The following PLAA variants were observed in gnomAD, a reference collection of about 807,000 sequenced individuals.
PLAA encodes the protein phospholipase A-2-activating protein.
In PLAA, 48 loss-of-function variants were observed where a neutral mutation model predicts 84.1. The observed-to-expected ratio is 0.57, with a 90% CI of 0.45 to 0.73. The LOEUF is 0.73. Ranked by LOEUF, PLAA falls within the 30% of genes least tolerant of loss-of-function variation. The pLI, the probability that PLAA is intolerant of heterozygous loss-of-function variation, is 0.00. For missense variants in PLAA, 903 were observed against 954.7 expected (o/e 0.95, Z 0.71); for synonymous variants, 392 against 336.6 (o/e 1.16, Z -1.80).
chr9:26,903,623 A>G lies in PLAA; in HGVS notation c.*1888T>C, dbSNP rs1824145270. Among the ~76,000 whole-genome samples, 1 of 152,208 alleles carries G rather than the reference A, an allele frequency of 6.6e-6. No homozygotes were observed. The stretch of plus-strand genomic sequence containing the variant: ...ACTTTTGTATTCAGAAAAAACATTA[A>G]GAGAATCATAGGAAAGTTTAACTAA... On this transcript the variant is annotated 3_prime_UTR_variant, in exon 14 of 14. Transcript: ENST00000397292.
intron 8 of PLAA, 57 bp downstream of exon 8, chr9:26,920,170 C>A: frequency 6.9e-7 from 1 of 1,452,050 alleles, no homozygotes; most frequent in South Asian, 1.2e-5. Context: ...GCAAAGGAAA[C>A]CTTTAATTTG....
intron 13 of PLAA, among the ~76,000 whole-genome samples, chr9:26,907,302 G>A (rs530313421): frequency 6.6e-6 from 1 of 152,036 alleles, no homozygotes; most frequent in Non-Finnish European, 1.5e-5. Context: ...GGCTGAGGCG[G>A]GAGGATCACG....
chr9:26,937,236 G>T (rs1298450962), intron 1 of PLAA, among the ~76,000 whole-genome samples: 2 of 152,088 alleles, frequency 1.3e-5, no homozygotes, highest in African/African-American at 4.8e-5. Flanking sequence ...TATTCAAAAG[G>T]AACTACATAT....
rs1178263107 is a variant in PLAA, at chr9:26,905,129, G to T, written c.*382C>A. On this transcript the variant is annotated 3_prime_UTR_variant, in exon 14 of 14. Transcript: ENST00000397292. Reference sequence around the variant, plus strand: ...CTGTTCGAAGGATCTAGCAATGAAGGTGGAGAAGTTAAATAAAAGATAATT... The same window carrying T: ...CTGTTCGAAGGATCTAGCAATGAAGTTGGAGAAGTTAAATAAAAGATAATT... The T allele has an allele frequency of 5.9e-6, 1 of 169,266 alleles. No individual in the cohort carries two copies. Among genetic ancestry groups the T allele is most frequent in the Non-Finnish European group, 1.3e-5 (1 of 78,460 alleles). The allele number at this position is 169,266 out of a possible 1,614,324, so 10.5% of individuals were successfully genotyped here.
intron 1 of PLAA, among the ~76,000 whole-genome samples, chr9:26,943,193 A>C (rs1284352831): frequency 2.0e-5 from 3 of 152,134 alleles, no homozygotes; most frequent in Non-Finnish European, 4.4e-5. Context: ...TAGAGACCTG[A>C]AGTAGTCTGA....
intron 2 of PLAA, among the ~76,000 whole-genome samples, chr9:26,932,291 T>C (rs1297633235): frequency 1.3e-5 from 2 of 152,218 alleles, no homozygotes; most frequent in Non-Finnish European, 2.9e-5. Flanking sequence ...TGTCCTTATC[T>C]TTTAGAAGGG....
intron 13 of PLAA, among the ~76,000 whole-genome samples, chr9:26,906,718 G>A (rs970312482): frequency 1.3e-5 from 2 of 152,122 alleles, no homozygotes; most frequent in African/African-American, 2.4e-5. Context: ...ATGAGCCACC[G>A]TGCCCAGCCG....
At chr9:26,933,695 A>C (rs1825261053) in intron 2 of PLAA, among the ~76,000 whole-genome samples, 1 of 147,416 alleles carries the variant, frequency 6.8e-6, no homozygotes, top group South Asian at 2.1e-4. Context: ...AGGCTGAGGC[A>C]GGAGAATGGC....
intron 2 of PLAA, among the ~76,000 whole-genome samples, chr9:26,931,355 T>C (rs965353850): frequency 6.6e-6 from 1 of 152,158 alleles, no homozygotes; most frequent in Non-Finnish European, 1.5e-5. Flanking sequence ...TACAATCATT[T>C]TGTAAACCTT....
chr9:26,914,127 T>C (rs1215917898), intron 10 of PLAA, among the ~76,000 whole-genome samples, 180 bp from the exon 11 acceptor site: 2 of 152,228 alleles, frequency 1.3e-5, no homozygotes, highest in Non-Finnish European at 2.9e-5. Flanking sequence ...ATATCATAAG[T>C]GTTAGCTACA....
Position 26,905,328 on chromosome 9 carries a change from G to A in PLAA, c.*183C>T, listed in dbSNP as rs1824194692. On this transcript the variant is annotated 3_prime_UTR_variant, in exon 14 of 14. Coordinates refer to ENST00000397292, the MANE Select transcript of PLAA (RefSeq NM_001031689.3). Reference sequence around the variant, plus strand: ...TTGAAAATCTACCCAAATTACACAGGAAAATCTCACAGTTCAGCAGTGCAA... The same window carrying A: ...TTGAAAATCTACCCAAATTACACAGAAAAATCTCACAGTTCAGCAGTGCAA... 3.6e-6 allele frequency: 2 copies of A among 550,568 alleles called. No individual in the cohort carries two copies. The highest frequency in any genetic ancestry group is 5.2e-5 in the South Asian group (2 of 38,552). The allele number at this position is 550,568 out of a possible 1,614,324, so 34.1% of individuals were successfully genotyped here.
At chr9:26,922,996 G>C (rs1157347117) in intron 7 of PLAA, among the ~76,000 whole-genome samples, 182 bp downstream of exon 7, 1 of 152,140 alleles carries the variant, frequency 6.6e-6, no homozygotes, top group African/African-American at 2.4e-5. Flanking sequence ...TTAATTCAAA[G>C]TCTTCTGTGA....
At chr9:26,913,169 T>C (rs1003318696) in intron 11 of PLAA, among the ~76,000 whole-genome samples, 3 of 152,082 alleles carry the variant, frequency 2.0e-5, no homozygotes, top group African/African-American at 7.2e-5. Flanking sequence ...CTCATATAAA[T>C]TACAAAGAAC....
chr9:26,935,825 A>C (rs929778213), intron 1 of PLAA, among the ~76,000 whole-genome samples: 5 of 151,432 alleles, frequency 3.3e-5, no homozygotes, highest in Non-Finnish European at 7.4e-5. Flanking sequence ...CACCTAATAC[A>C]GAAATATATA....
chr9:26,903,780 C>G lies in PLAA; in HGVS notation c.*1731G>C, dbSNP rs1824150709. Among the ~76,000 whole-genome samples the G allele has an allele frequency of 6.6e-6, 1 of 152,088 alleles. No homozygotes were observed. Among genetic ancestry groups the G allele is most frequent in the Non-Finnish European group, 1.5e-5 (1 of 67,992 alleles). On this transcript the variant is annotated 3_prime_UTR_variant, in exon 14 of 14. Transcript: ENST00000397292. ...AGTAAAGTTGACATAAAAAAACTTG[C>G]ACAGTAATAGGAAGCAGTGTTTACA... is the stretch of plus-strand genomic sequence containing the variant.
At chr9:26,916,684 G>C (rs577210710) in intron 10 of PLAA, 5 of 996,214 alleles carry the variant, frequency 5.0e-6, no homozygotes, top group Non-Finnish European at 6.0e-6. Context: ...GCTGTGTCTT[G>C]GTTGGTGGGT....
chr9:26,923,140 T>C, intron 7 of PLAA, 38 bp downstream of exon 7: 2 of 1,430,730 alleles, frequency 1.4e-6, no homozygotes, highest in Non-Finnish European at 1.9e-6. Context: ...AAGCCAAATA[T>C]GGTGAATTTT....
At chr9:26,922,439 A>G (rs1165247494) in intron 7 of PLAA, among the ~76,000 whole-genome samples, 1 of 152,118 alleles carries the variant, frequency 6.6e-6, no homozygotes, top group African/African-American at 2.4e-5. Context: ...ACAATGTACA[A>G]CATTCAAATA....
chr9:26,940,747 AGAAAGACTAATC>A (rs1825507268), intron 1 of PLAA, among the ~76,000 whole-genome samples: 2 of 152,232 alleles, frequency 1.3e-5, no homozygotes, highest in Non-Finnish European at 2.9e-5. Flanking sequence ...AACTAAGATA[AGAAAGACTAATC>A]GAAAGTCTTC....
Sources: allele counts gnomAD v4.1 joint callset (sites outside exome capture counted in the v4.1 genomes callset), GRCh38; gene constraint gnomAD v4.1.1; transcripts MANE v1.5; gene names NCBI Gene and HGNC (gene_info 2026-07-23, HGNC 2026-07-21).